Variants in SOX30 observed in about 807,000 individuals in gnomAD.
SOX30 encodes SRY-box transcription factor 30, also known as transcription factor SOX-30.
SOX30 carries 17 observed loss-of-function variants against 58.6 expected under a neutral mutation model. That is an observed-to-expected ratio of 0.29 (90% CI 0.20 to 0.44). The LOEUF is 0.44. Among genes scored for constraint, SOX30 ranks in the 20% least tolerant of loss-of-function variants. SOX30 has a pLI of 1.00. For synonymous variants in SOX30, 421 were observed against 400.2 expected, an observed-to-expected ratio of 1.05 and a Z score of -0.62; for missense variants, 951 against 965.8, an observed-to-expected ratio of 0.98 and a Z score of 0.20.
intron 4 of SOX30, among the ~76,000 whole-genome samples, chr5:157,635,148 G>A (rs1391076934): frequency 6.6e-6 from 1 of 152,142 alleles, no homozygotes; most frequent in African/African-American, 2.4e-5. Flanking sequence ...AATTGATAAG[G>A]CTAGTCTTCT....
chr5:157,649,751 C>T (rs909814722), intron 1 of SOX30, among the ~76,000 whole-genome samples: 4 of 152,108 alleles, frequency 2.6e-5, no homozygotes, highest in African/African-American at 7.2e-5. Context: ...GATCACGCCA[C>T]GGTACTCCAG....
At chr5:157,631,632 G>A (rs763798613) in intron 4 of SOX30, among the ~76,000 whole-genome samples, 3 of 151,384 alleles carry the variant, frequency 2.0e-5, no homozygotes, top group East Asian at 1.9e-4. Flanking sequence ...ATGGTGGTGC[G>A]GCCTGTAGTC....
intron 1 of SOX30, among the ~76,000 whole-genome samples, chr5:157,670,246 T>C (rs1176344028): frequency 1.3e-5 from 2 of 152,210 alleles, no homozygotes; most frequent in Non-Finnish European, 2.9e-5. Context: ...AAGAAATATT[T>C]ATCAGGCACT....
intron 4 of SOX30, among the ~76,000 whole-genome samples, chr5:157,635,197 A>G (rs1758897096): frequency 6.6e-6 from 1 of 152,244 alleles, no homozygotes; most frequent in Admixed American, 6.5e-5. Context: ...TTTATAGTTG[A>G]CATACTGCTC....
chr5:157,640,330 C>T (rs1401572015), intron 3 of SOX30, among the ~76,000 whole-genome samples: 1 of 152,082 alleles, frequency 6.6e-6, no homozygotes, highest in Non-Finnish European at 1.5e-5. Context: ...GTTCCAAAGC[C>T]TTTAAATGAA....
rs528160973 is a variant in SOX30, at chr5:157,632,310, G to A, written c.1881-5589C>T. 7.6e-4 allele frequency among the ~76,000 whole-genome samples: 115 copies of A among 152,202 alleles called. No individual in the cohort carries two copies. The South Asian group carries it at 7.7e-3, about 10-fold the overall frequency. ...AGGATGCACTAATTAGTACTTCACC[G>A]AATACTCAAGAGGGACCCTACACAG... On this transcript the variant is annotated intron_variant, in intron 4 of 4. Transcript: ENST00000265007.
intron 1 of SOX30, chr5:157,667,888 C>A (rs1759701903): frequency 2.0e-6 from 3 of 1,531,232 alleles, no homozygotes; most frequent in Middle Eastern, 1.7e-4. Flanking sequence ...GTTTACTGAG[C>A]ACCTATGACC....
At chr5:157,666,940 A>G (rs534632499) in intron 2 of SOX30, among the ~76,000 whole-genome samples, 1 of 152,256 alleles carries the variant, frequency 6.6e-6, no homozygotes, top group East Asian at 1.9e-4. Flanking sequence ...TTCTGACCTC[A>G]GGTAATCCAC....
At position 157,638,697 on chromosome 5, in the gene SOX30, C is replaced by T; in HGVS notation, c.1413G>A (p.Leu471=). 6.2e-7 allele frequency: 1 copy of T among 1,611,442 alleles called. No homozygotes were observed. Among genetic ancestry groups the T allele is most frequent in the Non-Finnish European group, 8.5e-7 (1 of 1,178,334 alleles). ...TTGGGCTCTGGACTGCAGGTGTGGG[C>T]AGCTGGATAGCAGGTGAGGTTTCAC... ...PVGETSPAIQ[L]PTPAVQSPSP... The change falls in exon 4 of 5, where the codon CTG becomes CTA. Residue 471 remains leucine, a synonymous_variant. Coordinates refer to ENST00000265007, the MANE Select transcript of SOX30 (RefSeq NM_178424.2).
At chr5:157,670,143 G>A (rs1028257075) in intron 1 of SOX30, among the ~76,000 whole-genome samples, 2 of 152,222 alleles carry the variant, frequency 1.3e-5, no homozygotes, top group Non-Finnish European at 2.9e-5. Context: ...GGAATGTGCT[G>A]TTCATCACAG....
chr5:157,658,095 A>C (rs1188054819), intron 2 of SOX30, among the ~76,000 whole-genome samples: 4 of 152,238 alleles, frequency 2.6e-5, no homozygotes, highest in Non-Finnish European at 5.9e-5. Context: ...TACTCATCTC[A>C]TAGGTATTTG....
chr5:157,628,888 G>A (rs1183931430), intron 4 of SOX30, among the ~76,000 whole-genome samples: 9 of 151,964 alleles, frequency 5.9e-5, no homozygotes, highest in South Asian at 2.1e-4. Context: ...TGATCCGCCC[G>A]CCTCAGCCTC....
chr5:157,646,779 T>C lies in SOX30; in HGVS notation c.1245A>G (p.Arg415=), dbSNP rs1759203208. 2 of 1,613,916 alleles carry C rather than the reference T, an allele frequency of 1.2e-6. No individual in the cohort carries two copies. Among genetic ancestry groups the C allele is most frequent in the Non-Finnish European group, 1.7e-6 (2 of 1,179,894 alleles). The part of the protein sequence containing the change: ...VYQPRPGKRK[R]FPLSVSNVFS... ...ATACATTGGAAACACTTAGAGGGAA[T>C]CGTTTTCGCTTCCCTGGACGAGGCT... Residue 415 remains arginine, a synonymous_variant, in exon 3 of 5, where the codon CGA becomes CGG. Coordinates refer to ENST00000265007, the MANE Select transcript of SOX30 (RefSeq NM_178424.2).
chr5:157,629,825 T>C (rs1430216231), intron 4 of SOX30, among the ~76,000 whole-genome samples: 25 of 152,150 alleles, frequency 1.6e-4, no homozygotes, highest in Admixed American at 9.8e-4. Context: ...GTGATATAAT[T>C]AGTAAGTGGT....
At chr5:157,647,506 T>G (rs563301163) in intron 2 of SOX30, among the ~76,000 whole-genome samples, 5 of 152,282 alleles carry the variant, frequency 3.3e-5, no homozygotes, top group African/African-American at 1.2e-4. Flanking sequence ...TTCCTCACTT[T>G]CTGTAAGTTA....
At chr5:157,661,823 T>C (rs1217936522) in intron 2 of SOX30, among the ~76,000 whole-genome samples, 6 of 152,248 alleles carry the variant, frequency 3.9e-5, no homozygotes, top group Non-Finnish European at 7.3e-5. Context: ...TGTTGTTCTA[T>C]AATTTTCTTG....
intron 4 of SOX30, among the ~76,000 whole-genome samples, chr5:157,632,575 A>C (rs1050578877): frequency 3.3e-5 from 5 of 152,056 alleles, no homozygotes; most frequent in African/African-American, 1.2e-4. Flanking sequence ...GTGGCATTAC[A>C]CTCCAGCCTG....
intron 3 of SOX30, among the ~76,000 whole-genome samples, chr5:157,643,904 T>G (rs1759129988): frequency 6.6e-6 from 1 of 152,174 alleles, no homozygotes; most frequent in African/African-American, 2.4e-5. Flanking sequence ...CTGTTCTAAC[T>G]TAAGCTTCAC....
chr5:157,647,786 C>G (rs1341585801), intron 2 of SOX30, among the ~76,000 whole-genome samples: 20 of 151,772 alleles, frequency 1.3e-4, no homozygotes, highest in Admixed American at 1.3e-3. Context: ...GTCTTGATCT[C>G]CTGACCTCGT....
Sources: gnomAD v4.1 joint callset for allele counts (sites outside exome capture counted in the v4.1 genomes callset) on GRCh38, gnomAD v4.1.1 for gene constraint, MANE v1.5 for transcripts, NCBI Gene and HGNC (gene_info 2026-07-23, HGNC 2026-07-21) for gene names.